Variants in GUSB observed in about 807,000 individuals in gnomAD.
GUSB encodes the protein glucuronidase beta.
Under a neutral mutation model 74.6 loss-of-function variants are expected in GUSB, and 51 were observed. That is an observed-to-expected ratio of 0.68 (90% CI 0.55 to 0.86). GUSB has a LOEUF of 0.86. Ranked by LOEUF, GUSB falls within the 40% of genes least tolerant of loss-of-function variation. The probability of loss-of-function intolerance (pLI) is 0.00; values close to 1 mark genes in which losing one functional copy is unlikely to be tolerated. For missense variants in GUSB, 736 were observed against 853.7 expected (o/e 0.86, Z 1.72); for synonymous variants, 360 against 348.3 (o/e 1.03, Z -0.37).
At position 65,964,381 on chromosome 7, in the gene GUSB, G is replaced by A; in HGVS notation, c.1731C>T (p.Arg577=). The A allele has an allele frequency of 6.2e-7, 1 of 1,611,618 alleles. No individual in the cohort carries two copies. Among genetic ancestry groups the A allele is most frequent in the South Asian group, 1.1e-5 (1 of 90,994 alleles). Reference sequence around the variant, plus strand: ...TGAGCTCTCCAACCACGTATTTTCTGCGTTTTTGATCCAGACCCAGATGGT... The same window carrying A: ...TGAGCTCTCCAACCACGTATTTTCTACGTTTTTGATCCAGACCCAGATGGT... ...EQYHLGLDQK[R]RKYVVGELIW... is the part of the protein sequence containing the mutation. The change falls in exon 11 of 12, where the codon CGC becomes CGT. Residue 577 remains arginine, a synonymous_variant. Transcript: ENST00000304895.
chr7:65,980,422 G>A lies in GUSB; in HGVS notation c.211-13C>T. On this transcript the variant is annotated splice_polypyrimidine_tract_variant and intron_variant, in intron 1 of 11. Transcript: ENST00000304895. ...CGGTGGGGCCTGACTGTGGAGAGAA[G>A]AGCCGGGCTCAGCTCCTAGGCCCCC... 6.2e-7 allele frequency: 1 copy of A among 1,611,384 alleles called. No homozygotes were observed. The highest frequency in any genetic ancestry group is 8.5e-7 in the Non-Finnish European group (1 of 1,178,756).
At chr7:65,976,229 TGAGG>T (rs778741053) in intron 4 of GUSB, 27 bp from the exon 5 acceptor site, 4 of 1,564,576 alleles carry the variant, frequency 2.6e-6, no homozygotes, top group Non-Finnish European at 3.5e-6. Flanking sequence ...AGACCAGGGC[TGAGG>T]GAGGGACACG....
chr7:65,970,431 CCT>C (rs1334763477), intron 8 of GUSB, 65 bp from the exon 9 acceptor site: 2 of 982,870 alleles, frequency 2.0e-6, no homozygotes, highest in East Asian at 2.4e-5. Flanking sequence ...ACCCTCCCAT[CCT>C]CTCTGTCCCA....
At chr7:65,974,745 A>C (rs368169561) in intron 6 of GUSB, 41 bp from the exon 7 acceptor site, 28 of 1,606,300 alleles carry the variant, frequency 1.7e-5, no homozygotes, top group Non-Finnish European at 2.2e-5. Context: ...TCCCTGTCGA[A>C]GCTGCACTTC....
intron 9 of GUSB, among the ~76,000 whole-genome samples, chr7:65,970,076 A>T (rs887025594): frequency 6.6e-6 from 1 of 152,158 alleles, no homozygotes; most frequent in Non-Finnish European, 1.5e-5. Context: ...TGGGAGGCCA[A>T]GGCAGGAGGA....
intron 11 of GUSB, among the ~76,000 whole-genome samples, chr7:65,962,232 G>A (rs1428718226): frequency 6.6e-6 from 1 of 152,104 alleles, no homozygotes; most frequent in Non-Finnish European, 1.5e-5. Flanking sequence ...AGTCCGCCGG[G>A]GCTGACGTCC....
chr7:65,964,133 C>T, intron 11 of GUSB, 190 bp downstream of exon 11: 3 of 656,012 alleles, frequency 4.6e-6, no homozygotes, highest in Non-Finnish European at 8.4e-6. Context: ...GAGGCGGGGG[C>T]CTGATTGCTT....
In GUSB at chr7:65,981,437, A is replaced by G. The variant is rs578057296; in HGVS notation, c.210+537T>C. 1.9e-3 allele frequency among the ~76,000 whole-genome samples: 281 copies of G among 151,780 alleles called. 3 individuals are homozygous for G. The highest frequency in any genetic ancestry group is 6.6e-3 in the African/African-American group (274 of 41,390). On this transcript the variant is annotated intron_variant, in intron 1 of 11. Coordinates refer to ENST00000304895, the MANE Select transcript of GUSB (RefSeq NM_000181.4). ...AGTAGAGATGAGGTTTCACCCTGTT[A>G]TGTTGGCCAGCCTGGTCTCAAACTC...
In GUSB at chr7:65,982,169, C is replaced by A. The variant is rs1285511679; in HGVS notation, c.15G>T (p.Ser5=). 2.6e-6 allele frequency: 4 copies of A among 1,515,466 alleles called. No homozygotes were observed. The highest frequency in any genetic ancestry group is 3.5e-6 in the Non-Finnish European group (4 of 1,131,334). 93.9% of individuals were successfully genotyped at this position (1,515,466 alleles called of 1,614,324 possible). MARG[S]AVAWAALGPL... ...GCCCGAGCGCCGCCCAGGCAACCGCCGACCCCCGGGCCATGCTTCCCGGTC... is the reference window on the plus strand; with the variant it reads ...GCCCGAGCGCCGCCCAGGCAACCGCAGACCCCCGGGCCATGCTTCCCGGTC... Residue 5 remains serine (S), a synonymous_variant, in exon 1 of 12, where the codon TCG becomes TCT. Coordinates refer to ENST00000304895, the MANE Select transcript of GUSB (RefSeq NM_000181.4).
At chr7:65,961,135 G>A in intron 11 of GUSB, 72 bp from the exon 12 acceptor site, 1 of 1,368,588 alleles carries the variant, frequency 7.3e-7, no homozygotes, top group South Asian at 1.2e-5. Context: ...CCAGTCTGGA[G>A]CTAAGGTAGG....
intron 9 of GUSB, among the ~76,000 whole-genome samples, chr7:65,969,726 A>C (rs1026665762): frequency 6.6e-6 from 1 of 152,194 alleles, no homozygotes; most frequent in African/African-American, 2.4e-5. Flanking sequence ...CTCAAGTTCC[A>C]ACCCTGGACG....
At chr7:65,970,216 T>C in intron 9 of GUSB, 66 bp downstream of exon 9, 1 of 933,142 alleles carries the variant, frequency 1.1e-6, no homozygotes, top group South Asian at 1.3e-5. Context: ...GCTGTTCCCA[T>C]GACCAGGCTT....
At position 65,976,122 on chromosome 7, in the gene GUSB, C is replaced by T. The variant is rs755211573; in HGVS notation, c.805G>A (p.Val269Ile). The T allele has an allele frequency of 6.2e-7, 1 of 1,613,950 alleles. No homozygotes were observed. The highest frequency in any genetic ancestry group is 1.1e-5 in the South Asian group (1 of 91,080). The stretch of plus-strand genomic sequence containing the variant: ...TGGGTCCCAGTCCCATTCGCCACGA[C>T]TTTGTTTTCTGCATCCAAAAGACGC... ...EVRLLDAENK[V>I]VANGTGTQGQ... Residue 269 changes from valine to isoleucine, a missense_variant, in exon 5 of 12, where the codon GTC (valine) becomes ATC (isoleucine). Around this residue, in one of 2 missense-constraint regions of GUSB, gnomAD observed 368 missense variants for 363.8 expected, o/e 1.01. Transcript: ENST00000304895.
At position 65,979,638 on chromosome 7, in the gene GUSB, C is replaced by G. The variant is rs568453599; in HGVS notation, c.581+89G>C. On this transcript the variant is annotated intron_variant, in intron 3 of 11. Coordinates refer to ENST00000304895, the MANE Select transcript of GUSB (RefSeq NM_000181.4). Reference sequence around the variant, plus strand: ...GGCCTCCCCAGATCCAAGGCCTCCACTCTGTGAAGGCCACCCAGTCCCTAC... The same window carrying G: ...GGCCTCCCCAGATCCAAGGCCTCCAGTCTGTGAAGGCCACCCAGTCCCTAC... 1,391 of 1,592,586 alleles carry G rather than the reference C, an allele frequency of 8.7e-4. 1 individual carries two copies. The highest frequency in any genetic ancestry group is 1.1e-3 in the Non-Finnish European group (1,221 of 1,160,962).
intron 10 of GUSB, among the ~76,000 whole-genome samples, chr7:65,967,258 C>T (rs1464143324): frequency 6.6e-6 from 1 of 152,126 alleles, no homozygotes; most frequent in African/African-American, 2.4e-5. Flanking sequence ...AGTTCAAGAC[C>T]AGTCTGGGCA....
chr7:65,961,636 G>C (rs1376350073), intron 11 of GUSB, among the ~76,000 whole-genome samples: 1 of 152,184 alleles, frequency 6.6e-6, no homozygotes, highest in Non-Finnish European at 1.5e-5. Flanking sequence ...TTGGGAGGCT[G>C]AGGCAGGTGG....
chr7:65,961,120 T>C (rs1375601359), intron 11 of GUSB, 57 bp from the exon 12 acceptor site: 6 of 1,521,172 alleles, frequency 3.9e-6, no homozygotes, highest in Non-Finnish European at 5.5e-6. Context: ...TGGGTCAAGT[T>C]AGAACCAGTC....
intron 11 of GUSB, among the ~76,000 whole-genome samples, chr7:65,962,450 G>A (rs542120297): frequency 7.9e-4 from 120 of 152,312 alleles, no homozygotes; most frequent in African/African-American, 2.8e-3. Flanking sequence ...CACAGGCATC[G>A]CCAAGTACTT....
At chr7:65,968,865 G>T (rs1185582973) in intron 9 of GUSB, among the ~76,000 whole-genome samples, 2 of 152,134 alleles carry the variant, frequency 1.3e-5, no homozygotes, top group East Asian at 3.9e-4. Flanking sequence ...GGGATGATAG[G>T]TGTAAGCCAC....
Sources: allele counts gnomAD v4.1 joint callset (sites outside exome capture counted in the v4.1 genomes callset), GRCh38; gene constraint gnomAD v4.1.1; regional missense constraint gnomAD v4.1.1; transcripts MANE v1.5; gene names NCBI Gene and HGNC (gene_info 2026-07-23, HGNC 2026-07-21).